Variants in RAB30 observed in about 807,000 individuals in gnomAD.
RAB30 encodes the protein RAB30, member RAS oncogene family, also known as ras-related protein Rab-30.
In RAB30, 9 loss-of-function variants were observed where a neutral mutation model predicts 25.1. That is an observed-to-expected ratio of 0.36 (90% confidence interval 0.22 to 0.63). The LOEUF is 0.63. Ranked by LOEUF, RAB30 falls within the 20% of genes least tolerant of loss-of-function variation. The pLI is 0.69. For missense variants in RAB30, 140 were observed against 243.5 expected, an observed-to-expected ratio of 0.58 and a Z score of 2.83; for synonymous variants, 77 against 86.4, an observed-to-expected ratio of 0.89 and a Z score of 0.60.
Position 82,973,365 on chromosome 11 carries a change from A to T in RAB30, c.*8800T>A, listed in dbSNP as rs550872095. ...GGTGATTTGACAAACTTTTTTCAAG[A>T]AGCAAAGTCCAATTTTAAAAGACAG... is the stretch of plus-strand genomic sequence containing the variant. On this transcript the variant is annotated 3_prime_UTR_variant, in exon 5 of 5. Coordinates refer to ENST00000527633, the MANE Select transcript of RAB30 (RefSeq NM_001286060.2). 6.6e-6 allele frequency: 1 copy of T among 152,348 alleles called. No individual in the cohort carries two copies. The highest frequency in any genetic ancestry group is 1.9e-4 in the East Asian group (1 of 5,196). 9.4% of individuals were successfully genotyped at this position (152,348 alleles called of 1,614,324 possible).
intron 1 of RAB30, among the ~76,000 whole-genome samples, chr11:82,998,868 C>T (rs999781379): frequency 4.6e-5 from 7 of 152,136 alleles, no homozygotes; most frequent in Admixed American, 2.0e-4. Flanking sequence ...GATAGGAAAG[C>T]GTCAGGGTCA....
chr11:82,997,194 GCTTACGAGTTCC>G lies in RAB30; in HGVS notation c.93+18_93+29del, dbSNP rs749260619. On this transcript the variant is annotated intron_variant, in intron 2 of 4. Transcript: ENST00000527633. Reference sequence around the variant, plus strand: ...GCTAGACTGACAAACCCAACCCTGGGCTTACGAGTTCCCTTACGAGTTCCCTTACCTGAGTGA... The same window carrying G: ...GCTAGACTGACAAACCCAACCCTGGGCTTACGAGTTCCCTTACCTGAGTGA... The G allele has an allele frequency of 5.6e-5, 87 of 1,556,628 alleles. No homozygotes were observed. Among genetic ancestry groups the G allele is most frequent in the Admixed American group, 3.5e-4 (21 of 59,778 alleles).
intron 1 of RAB30, among the ~76,000 whole-genome samples, chr11:83,021,501 C>T (rs77696064): frequency 0.017 from 2,562 of 152,322 alleles, 60 homozygotes; most frequent in East Asian, 0.074. Flanking sequence ...AGAGAGCTAG[C>T]GCCCATGCAA....
At chr11:83,067,804 C>T (rs1171131290) in intron 1 of RAB30, among the ~76,000 whole-genome samples, 1 of 152,054 alleles carries the variant, frequency 6.6e-6, no homozygotes, top group Non-Finnish European at 1.5e-5. Context: ...CCAGCCTGGC[C>T]AACATGGTGA....
At position 83,053,005 on chromosome 11, in the gene RAB30, G is replaced by T. The variant is rs546270419; in HGVS notation, c.-9+18686C>A. On this transcript the variant is annotated intron_variant, in intron 1 of 4. Transcript: ENST00000527633. ...ACTTGGTGATCTACCACCTCAGAGAGAAGACACAGGGAACTGGAGCTGTCC... is the reference window on the plus strand; with the variant it reads ...ACTTGGTGATCTACCACCTCAGAGATAAGACACAGGGAACTGGAGCTGTCC... Among the ~76,000 whole-genome samples, 33 of 152,278 alleles carry T rather than the reference G, an allele frequency of 2.2e-4. No homozygotes were observed. In the South Asian group the frequency reaches 6.0e-3, roughly 28 times the overall value.
intron 1 of RAB30, among the ~76,000 whole-genome samples, chr11:83,044,342 C>T (rs879893080): frequency 1.3e-5 from 2 of 152,176 alleles, no homozygotes; most frequent in Non-Finnish European, 1.5e-5. Context: ...CAATTATTAA[C>T]GCTGTATATT....
At chr11:83,005,370 C>G (rs1251324650) in intron 1 of RAB30, among the ~76,000 whole-genome samples, 1 of 152,168 alleles carries the variant, frequency 6.6e-6, no homozygotes, top group Non-Finnish European at 1.5e-5. Flanking sequence ...AGGAACGGTG[C>G]TAAATGTTTT....
Position 82,982,495 on chromosome 11 carries a change from T to A in RAB30, c.362-80A>T, listed in dbSNP as rs562680757. 23 of 1,463,594 alleles carry A rather than the reference T, an allele frequency of 1.6e-5. No homozygotes were observed. The African/African-American group carries it at 2.0e-4, about 12-fold the overall frequency. The allele number at this position is 1,463,594 out of a possible 1,614,324, so 90.7% of individuals were successfully genotyped here. ...AGAAGCATCAAAATTCAACTCCATA[T>A]CTGAAGTCAAGCCAGACAGATGGGC... On this transcript the variant is annotated intron_variant, in intron 4 of 4. Transcript: ENST00000527633.
In RAB30 at chr11:82,981,022, T is replaced by C. The variant is rs1856628571; in HGVS notation, c.*1143A>G. On this transcript the variant is annotated 3_prime_UTR_variant, in exon 5 of 5. Transcript: ENST00000527633. ...AAGGTTATCATCGAAGATATAAAAA[T>C]GGGTCGTGAGACTTTTCATCTGTTG... The C allele has an allele frequency of 6.6e-6, 1 of 152,162 alleles. No homozygotes were observed. Among genetic ancestry groups the C allele is most frequent in the South Asian group, 2.1e-4 (1 of 4,830 alleles). The allele number at this position is 152,162 out of a possible 1,614,324, so 9.4% of individuals were successfully genotyped here. A position where few individuals can be genotyped will look rare whatever the true frequency, so the allele number is the denominator to read the frequency against.
intron 1 of RAB30, among the ~76,000 whole-genome samples, chr11:83,057,770 C>A (rs1858487039): frequency 6.6e-6 from 1 of 152,180 alleles, no homozygotes; most frequent in Admixed American, 6.5e-5. Context: ...CTTTTAGAAA[C>A]TTTGCAATTA....
intron 1 of RAB30, among the ~76,000 whole-genome samples, chr11:82,998,293 G>A (rs568989867): frequency 1.3e-4 from 20 of 152,212 alleles, no homozygotes; most frequent in Non-Finnish European, 1.8e-4. Context: ...CTCCAACTGC[G>A]CTAGAAAGAC....
intron 1 of RAB30, among the ~76,000 whole-genome samples, chr11:83,038,105 G>C (rs763977718): frequency 6.6e-6 from 1 of 152,146 alleles, no homozygotes; most frequent in Non-Finnish European, 1.5e-5. Flanking sequence ...TTCAGTAATT[G>C]AATAGGGAAA....
chr11:83,009,304 A>T (rs1857255478), intron 1 of RAB30, among the ~76,000 whole-genome samples: 1 of 152,152 alleles, frequency 6.6e-6, no homozygotes, highest in Non-Finnish European at 1.5e-5. Context: ...GACCTCAGGC[A>T]ATCCGCCCGC....
chr11:83,033,850 T>C (rs889491366), intron 1 of RAB30, among the ~76,000 whole-genome samples: 1 of 151,962 alleles, frequency 6.6e-6, no homozygotes, highest in Non-Finnish European at 1.5e-5. Flanking sequence ...GGGTATCAAG[T>C]ACCTCCAAAG....
intron 1 of RAB30, among the ~76,000 whole-genome samples, chr11:83,037,893 T>C (rs1218606567): frequency 6.6e-6 from 1 of 152,170 alleles, no homozygotes; most frequent in Non-Finnish European, 1.5e-5. Context: ...ACTTACTTCA[T>C]GTGGCCATCA....
At chr11:83,015,308 G>A (rs573556468) in intron 1 of RAB30, among the ~76,000 whole-genome samples, 1 of 152,120 alleles carries the variant, frequency 6.6e-6, no homozygotes, top group Non-Finnish European at 1.5e-5. Flanking sequence ...GGAGAGAAGG[G>A]TATAAATTTT....
At chr11:83,049,149 C>A (rs1274713830) in intron 1 of RAB30, among the ~76,000 whole-genome samples, 3 of 152,160 alleles carry the variant, frequency 2.0e-5, no homozygotes, top group Admixed American at 2.0e-4. Flanking sequence ...TGGTGGCTCA[C>A]ACCTGTGATC....
At chr11:83,014,943 C>T (rs1857403919) in intron 1 of RAB30, among the ~76,000 whole-genome samples, 1 of 151,812 alleles carries the variant, frequency 6.6e-6, no homozygotes, top group Non-Finnish European at 1.5e-5. Flanking sequence ...GTACAGGGGC[C>T]CTATGTGACA....
At position 82,976,297 on chromosome 11, in the gene RAB30, T is replaced by C. The variant is rs955762594; in HGVS notation, c.*5868A>G. ...AACTAATATTTGAGTGCTAACTGTTTACCAAGCACTGTACTTTCAACTTAT... is the reference window on the plus strand; with the variant it reads ...AACTAATATTTGAGTGCTAACTGTTCACCAAGCACTGTACTTTCAACTTAT... On this transcript the variant is annotated 3_prime_UTR_variant, in exon 5 of 5. Coordinates refer to ENST00000527633, the MANE Select transcript of RAB30 (RefSeq NM_001286060.2). 1.3e-5 allele frequency: 2 copies of C among 152,226 alleles called. No homozygotes were observed. Among genetic ancestry groups the C allele is most frequent in the African/African-American group, 4.8e-5 (2 of 41,468 alleles). 9.4% of individuals were successfully genotyped at this position (152,226 alleles called of 1,614,324 possible).
Sources: allele counts gnomAD v4.1 joint callset (sites outside exome capture counted in the v4.1 genomes callset), GRCh38; gene constraint gnomAD v4.1.1; transcripts MANE v1.5; gene names NCBI Gene and HGNC (gene_info 2026-07-23, HGNC 2026-07-21).